SHROOM3: variants seen among roughly 807,000 people sequenced by gnomAD.
SHROOM3 encodes protein Shroom3.
In SHROOM3, 47 loss-of-function variants were observed where a neutral mutation model predicts 138.6. The ratio of observed to expected loss-of-function variants is 0.34; its 90% CI spans 0.27 to 0.43. SHROOM3 has a LOEUF of 0.43. Ranked by LOEUF, SHROOM3 falls within the 20% of genes least tolerant of loss-of-function variation. The pLI is 1.00. For missense variants in SHROOM3, 2,491 were observed against 2,596.5 expected, an observed-to-expected ratio of 0.96 and a Z score of 0.88; for synonymous variants, 1,062 against 1,063.3, an observed-to-expected ratio of 1.00 and a Z score of 0.02.
At chr4:76,634,855 C>T (rs921096226) in intron 2 of SHROOM3, among the ~76,000 whole-genome samples, 2 of 152,188 alleles carry the variant, frequency 1.3e-5, no homozygotes, top group Non-Finnish European at 2.9e-5. Flanking sequence ...TTAGCACATA[C>T]ACACACTCTA....
At position 76,507,444 on chromosome 4, in the gene SHROOM3, A is replaced by G. The variant is rs1347324461; in HGVS notation, c.169-48165A>G. 2.0e-5 allele frequency among the ~76,000 whole-genome samples: 3 copies of G among 152,072 alleles called. No homozygotes were observed. The East Asian group carries it at 5.8e-4, about 29-fold the overall frequency. ...TTTGATCATAGCTGCCTTAGTGGGTATGAAGTGGTATCTTATTGTGATTTT... is the reference window on the plus strand; with the variant it reads ...TTTGATCATAGCTGCCTTAGTGGGTGTGAAGTGGTATCTTATTGTGATTTT... On this transcript the variant is annotated intron_variant, in intron 1 of 10. Coordinates refer to ENST00000296043, the MANE Select transcript of SHROOM3 (RefSeq NM_020859.4).
chr4:76,533,267 C>G (rs17002056), intron 1 of SHROOM3, among the ~76,000 whole-genome samples: 4,285 of 152,236 alleles, frequency 0.028, 213 homozygotes, highest in African/African-American at 0.096. Context: ...TGTTTTACCT[C>G]TGGGTGCCCT....
At chr4:76,701,649 T>A (rs534040261) in intron 2 of SHROOM3, among the ~76,000 whole-genome samples, 4 of 152,356 alleles carry the variant, frequency 2.6e-5, no homozygotes, top group East Asian at 3.9e-4. Context: ...TACTGTAGGC[T>A]AATGATAGAG....
At chr4:76,531,128 A>T (rs1264084631) in intron 1 of SHROOM3, among the ~76,000 whole-genome samples, 2 of 152,130 alleles carry the variant, frequency 1.3e-5, no homozygotes, top group Admixed American at 6.5e-5. Flanking sequence ...AGATTATAGG[A>T]TTTCTATTAA....
intron 2 of SHROOM3, among the ~76,000 whole-genome samples, chr4:76,643,063 C>T (rs980363896): frequency 2.0e-5 from 3 of 151,800 alleles, no homozygotes; most frequent in Non-Finnish European, 2.9e-5. Flanking sequence ...CAAAAGTAGC[C>T]GGCCGTAGTG....
In SHROOM3 at chr4:76,442,173, T is replaced by C. The variant is rs114068754; in HGVS notation, c.168+5953T>C. On this transcript the variant is annotated intron_variant, in intron 1 of 10. Coordinates refer to ENST00000296043, the MANE Select transcript of SHROOM3 (RefSeq NM_020859.4). ...TTCTCTTAGCAAAATCTTTCTCATT[T>C]ACACATAGCAAATGCTTAATAAATG... Among the ~76,000 whole-genome samples the C allele has an allele frequency of 4.5e-3, 688 of 152,374 alleles. 11 individuals are homozygous for C. The highest frequency in any genetic ancestry group is 0.016 in the African/African-American group (650 of 41,582).
At chr4:76,536,988 CTGTAA>C (rs1732966269) in intron 1 of SHROOM3, among the ~76,000 whole-genome samples, 1 of 152,150 alleles carries the variant, frequency 6.6e-6, no homozygotes, top group Non-Finnish European at 1.5e-5. Context: ...TGGCAGGAGC[CTGTAA>C]TCCCAGCTAC....
chr4:76,536,010 G>A (rs1579220074), intron 1 of SHROOM3, among the ~76,000 whole-genome samples: 2 of 152,198 alleles, frequency 1.3e-5, no homozygotes, highest in South Asian at 2.1e-4. Context: ...TCCAGACCCA[G>A]CGCTTTCTCA....
At chr4:76,719,982 CAT>C (rs1296843699) in intron 3 of SHROOM3, among the ~76,000 whole-genome samples, 7 of 152,204 alleles carry the variant, frequency 4.6e-5, no homozygotes, top group Admixed American at 6.5e-5. Flanking sequence ...GTCCCCAGGA[CAT>C]ATTATCAGGA....
chr4:76,465,311 A>G (rs1731228880), intron 1 of SHROOM3, among the ~76,000 whole-genome samples: 1 of 152,218 alleles, frequency 6.6e-6, no homozygotes, highest in Non-Finnish European at 1.5e-5. Context: ...CAAGGAACAT[A>G]ATTGTCAGAC....
At chr4:76,485,677 G>A (rs1360140244) in intron 1 of SHROOM3, among the ~76,000 whole-genome samples, 4 of 152,174 alleles carry the variant, frequency 2.6e-5, no homozygotes, top group Non-Finnish European at 4.4e-5. Flanking sequence ...ACTCCCTAAA[G>A]AGGCTTTATG....
At chr4:76,539,426 A>G (rs1733051972) in intron 1 of SHROOM3, among the ~76,000 whole-genome samples, 3 of 152,178 alleles carry the variant, frequency 2.0e-5, no homozygotes, top group Non-Finnish European at 4.4e-5. Context: ...GTGCCATGTT[A>G]TGCTTCTCAA....
chr4:76,441,685 C>T (rs2109964200), intron 1 of SHROOM3, among the ~76,000 whole-genome samples: 1 of 152,212 alleles, frequency 6.6e-6, no homozygotes, highest in African/African-American at 2.4e-5. Context: ...ATTCTTCTTT[C>T]CTCTTATCTC....
At position 76,552,125 on chromosome 4, in the gene SHROOM3, T is replaced by G. The variant is rs193270860; in HGVS notation, c.169-3484T>G. On this transcript the variant is annotated intron_variant, in intron 1 of 10. Transcript: ENST00000296043. The stretch of plus-strand genomic sequence containing the variant: ...ATCCGCCCGCCTCGGCCCCCCTAAA[T>G]TGCTGGGATTACAGGCATGAGCCAC... 0.024 allele frequency among the ~76,000 whole-genome samples: 3,612 copies of G among 150,910 alleles called. 218 individuals are homozygous for G. The East Asian group carries it at 0.27, about 11-fold the overall frequency.
chr4:76,515,464 G>GA (rs1022831671), intron 1 of SHROOM3, among the ~76,000 whole-genome samples: 1 of 152,068 alleles, frequency 6.6e-6, no homozygotes, highest in East Asian at 1.9e-4. Flanking sequence ...CAACACAATA[G>GA]AAATTTCCAT....
chr4:76,650,648 G>A (rs1735935981), intron 2 of SHROOM3, among the ~76,000 whole-genome samples: 1 of 151,894 alleles, frequency 6.6e-6, no homozygotes, highest in Admixed American at 6.6e-5. Flanking sequence ...GGGTTCAAGC[G>A]ATTCTCCTGC....
intron 2 of SHROOM3, among the ~76,000 whole-genome samples, chr4:76,676,138 C>T (rs908866317): frequency 6.6e-6 from 1 of 151,988 alleles, no homozygotes; most frequent in African/African-American, 2.4e-5. Context: ...TACGCATATG[C>T]TTCTCAGCAG....
intron 4 of SHROOM3, among the ~76,000 whole-genome samples, chr4:76,735,344 C>G (rs1721004096): frequency 6.6e-6 from 1 of 152,088 alleles, no homozygotes; most frequent in Non-Finnish European, 1.5e-5. Flanking sequence ...ATATCAGTGC[C>G]TGTATTCCCC....
chr4:76,670,213 A>C (rs1477641650), intron 2 of SHROOM3, among the ~76,000 whole-genome samples: 1 of 152,236 alleles, frequency 6.6e-6, no homozygotes, highest in Admixed American at 6.5e-5. Context: ...TTGTAAATAG[A>C]AAAATGAAAT....
Sources: allele counts gnomAD v4.1 joint callset (sites outside exome capture counted in the v4.1 genomes callset), GRCh38; gene constraint gnomAD v4.1.1; transcripts MANE v1.5; gene names NCBI Gene and HGNC (gene_info 2026-07-23, HGNC 2026-07-21).